The following CCDC85C variants were observed in gnomAD, a reference collection of about 807,000 sequenced individuals.
CCDC85C encodes coiled-coil domain containing 85C.
A neutral mutation model predicts 38.3 loss-of-function variants in CCDC85C; 18 were observed. The observed-to-expected ratio is 0.47, with a 90% CI of 0.33 to 0.70. The LOEUF (loss-of-function observed/expected upper bound fraction) is 0.70. Among genes scored for constraint, CCDC85C ranks in the 30% least tolerant of loss-of-function variants. The pLI is 0.03. For missense variants in CCDC85C, 566 were observed against 621.2 expected (o/e 0.91, Z 0.94); for synonymous variants, 264 against 293.8 (o/e 0.90, Z 1.04).
At chr14:99,530,977 G>A (rs1439895338) in intron 2 of CCDC85C, among the ~76,000 whole-genome samples, 3 of 152,212 alleles carry the variant, frequency 2.0e-5, no homozygotes, top group Admixed American at 2.0e-4. Context: ...AAGTCCCCCA[G>A]TCTGTGCAAC....
In CCDC85C at chr14:99,603,917, G is replaced by A; in HGVS notation, c.43C>T (p.Leu15=). Residue 15 remains leucine, a synonymous_variant, in exon 1 of 6, where the codon CTG becomes TTG. Coordinates refer to ENST00000380243, the MANE Select transcript of CCDC85C (RefSeq NM_001144995.2). The surrounding 1 kb of genome is among the most constrained non-coding windows in gnomAD (Gnocchi z 7.5). ...AGCTCCTCGTCCGGCACCTGGCTCAGCTCCTCCGACGCCGCCGCCGCCGTC... is the reference window on the plus strand; with the variant it reads ...AGCTCCTCGTCCGGCACCTGGCTCAACTCCTCCGACGCCGCCGCCGCCGTC... ...AATAAAASEE[L]SQVPDEELLR... 1 of 1,450,388 alleles carries A rather than the reference G, an allele frequency of 6.9e-7. No homozygotes were observed. The highest frequency in any genetic ancestry group is 2.5e-5 in the Admixed American group (1 of 39,586). The allele number at this position is 1,450,388 out of a possible 1,614,324, so 89.8% of individuals were successfully genotyped here.
rs1308207567 is a variant in CCDC85C at position 99,514,561 on chromosome 14, T to C, written c.*685A>G. Reference sequence around the variant, plus strand: ...GCCTGGACAGGGTGGCAGGGGGACATTGCAGAGACTGGGGGGGAGGGGGAT... The same window carrying C: ...GCCTGGACAGGGTGGCAGGGGGACACTGCAGAGACTGGGGGGGAGGGGGAT... On this transcript the variant is annotated 3_prime_UTR_variant, in exon 6 of 6. Coordinates refer to ENST00000380243, the MANE Select transcript of CCDC85C (RefSeq NM_001144995.2). The C allele has an allele frequency of 2.0e-5, 3 of 152,156 alleles. No individual in the cohort carries two copies. Among genetic ancestry groups the C allele is most frequent in the Non-Finnish European group, 4.4e-5 (3 of 68,224 alleles). The allele number at this position is 152,156 out of a possible 1,614,324, so 9.4% of individuals were successfully genotyped here.
intron 2 of CCDC85C, chr14:99,534,918 G>T (rs766878761): frequency 8.8e-6 from 5 of 566,120 alleles, no homozygotes; most frequent in Admixed American, 6.2e-5. Flanking sequence ...GGTGGGGAGT[G>T]GGGGGCGGGG....
chr14:99,551,214 C>T lies in CCDC85C; in HGVS notation c.794-15126G>A, dbSNP rs561445728. Reference sequence around the variant, plus strand: ...GGTGGGGTGAGGGTCACAGCGTACACGGAGCACTGGGGCTGGACAGACACT... The same window carrying T: ...GGTGGGGTGAGGGTCACAGCGTACATGGAGCACTGGGGCTGGACAGACACT... On this transcript the variant is annotated intron_variant, in intron 1 of 5. Transcript: ENST00000380243. Among the ~76,000 whole-genome samples the T allele has an allele frequency of 3.9e-5, 6 of 152,268 alleles. No homozygotes were observed. The East Asian group carries it at 9.6e-4, about 24-fold the overall frequency.
intron 1 of CCDC85C, among the ~76,000 whole-genome samples, chr14:99,561,511 C>G (rs981277523): frequency 6.6e-6 from 1 of 152,216 alleles, no homozygotes; most frequent in Non-Finnish European, 1.5e-5. Flanking sequence ...CAGTCCCTCC[C>G]CCACTGGAAA....
intron 3 of CCDC85C, 70 bp from the exon 4 acceptor site, chr14:99,517,253 A>T: frequency 1.6e-6 from 2 of 1,249,378 alleles, no homozygotes; most frequent in Non-Finnish European, 2.2e-6. Flanking sequence ...TGGCTCAGAC[A>T]AGGCCCCCAT....
chr14:99,581,138 G>A (rs927399230), intron 1 of CCDC85C, among the ~76,000 whole-genome samples: 2 of 152,164 alleles, frequency 1.3e-5, no homozygotes, highest in Non-Finnish European at 2.9e-5. Flanking sequence ...GAGTGGGAGG[G>A]TGAAACCCCA....
intron 1 of CCDC85C, among the ~76,000 whole-genome samples, chr14:99,549,501 CTT>C (rs1897868133): frequency 1.3e-5 from 2 of 152,372 alleles, no homozygotes; most frequent in South Asian, 4.1e-4. Flanking sequence ...CAGGCCCCCT[CTT>C]TGCCCCAACC....
intron 1 of CCDC85C, among the ~76,000 whole-genome samples, chr14:99,566,465 GCCTCCCACCTCTCCTCCCCTCCCCTC>G (rs1566775985): frequency 6.6e-6 from 1 of 152,088 alleles, no homozygotes; most frequent in Non-Finnish European, 1.5e-5. Flanking sequence ...TACACCCCTG[GCCTCCCACCTCTCCTCCCCTCCCCTC>G]CATCCGGAGA....
At chr14:99,537,322 G>C (rs1413284035) in intron 1 of CCDC85C, among the ~76,000 whole-genome samples, 1 of 152,144 alleles carries the variant, frequency 6.6e-6, no homozygotes, top group Non-Finnish European at 1.5e-5. Flanking sequence ...CCTCAGGGCT[G>C]GGGATGGACT....
At chr14:99,587,311 G>A (rs907153709) in intron 1 of CCDC85C, among the ~76,000 whole-genome samples, 7 of 152,236 alleles carry the variant, frequency 4.6e-5, no homozygotes, top group Non-Finnish European at 7.3e-5. Context: ...TCCTTGCAGG[G>A]CAATTAACTG....
rs1897052696 is a variant in CCDC85C at position 99,509,237 on chromosome 14, G to T, written c.*6009C>A. 6.6e-6 allele frequency: 1 copy of T among 152,270 alleles called. No homozygotes were observed. The highest frequency in any genetic ancestry group is 2.1e-4 in the South Asian group (1 of 4,828). The allele number at this position is 152,270 out of a possible 1,614,324, so 9.4% of individuals were successfully genotyped here. A position where few individuals can be genotyped will look rare whatever the true frequency, so the allele number is the denominator to read the frequency against. On this transcript the variant is annotated 3_prime_UTR_variant, in exon 6 of 6. Coordinates refer to ENST00000380243, the MANE Select transcript of CCDC85C (RefSeq NM_001144995.2). The stretch of plus-strand genomic sequence containing the variant: ...TGGAACCAGAAATGTTGCTCCTGTG[G>T]TCTGTCTCCTGGGCTGCCTTGGGAA...
In CCDC85C at chr14:99,503,090, G is replaced by T. The variant is rs145203611; in HGVS notation, c.*12156C>A. ...CGAGCACAGGGAACACCGGAAGCAG[G>T]GGGTGTTCGCCGAAACTCGCAGTCC... On this transcript the variant is annotated 3_prime_UTR_variant, in exon 6 of 6. Transcript: ENST00000380243. The T allele has an allele frequency of 7.8e-5, 103 of 1,315,648 alleles. No homozygotes were observed. In the East Asian group the frequency reaches 2.3e-3, roughly 30 times the overall value. The allele number at this position is 1,315,648 out of a possible 1,614,324, so 81.5% of individuals were successfully genotyped here.
intron 1 of CCDC85C, among the ~76,000 whole-genome samples, chr14:99,577,052 A>T (rs965183737): frequency 1.3e-5 from 2 of 151,950 alleles, no homozygotes; most frequent in African/African-American, 4.8e-5. Context: ...GGGGAGTCAC[A>T]GCAGACATTG....
In CCDC85C at chr14:99,604,081, C is replaced by A; in HGVS notation, c.-122G>T. 1.0e-6 allele frequency: 1 copy of A among 952,466 alleles called. No individual in the cohort carries two copies. The highest frequency in any genetic ancestry group is 1.2e-6 in the Non-Finnish European group (1 of 803,492). 59.0% of individuals were successfully genotyped at this position (952,466 alleles called of 1,614,324 possible). A position where few individuals can be genotyped will look rare whatever the true frequency, so the allele number is the denominator to read the frequency against. ...CGGCCGGGGGCGCGTGCGGCCCGCC[C>A]CGCGCCGCCTGGCGCGTCCTCTCGC... On this transcript the variant is annotated 5_prime_UTR_variant, in exon 1 of 6. Transcript: ENST00000380243.
chr14:99,589,200 C>T (rs1305110810), intron 1 of CCDC85C, among the ~76,000 whole-genome samples: 1 of 151,170 alleles, frequency 6.6e-6, no homozygotes, highest in Non-Finnish European at 1.5e-5. Context: ...GAGCACACAG[C>T]CACGGCCGGG....
chr14:99,501,421 T>C lies in CCDC85C; in HGVS notation c.*13825A>G, dbSNP rs771876941. 5 of 1,560,462 alleles carry C rather than the reference T, an allele frequency of 3.2e-6. No individual in the cohort carries two copies. The highest frequency in any genetic ancestry group is 3.5e-6 in the Non-Finnish European group (4 of 1,133,564). ...GACATTTGTAAATGACAGGTATACA[T>C]GTTCAAATGTTGATTAATTACAGTA... On this transcript the variant is annotated 3_prime_UTR_variant, in exon 6 of 6. Transcript: ENST00000380243.
intron 1 of CCDC85C, among the ~76,000 whole-genome samples, chr14:99,570,031 G>A (rs908856982): frequency 1.9e-4 from 29 of 152,156 alleles, no homozygotes; most frequent in Admixed American, 1.6e-3. Context: ...GGCAGGACAC[G>A]GACCTGTGGG....
intron 1 of CCDC85C, among the ~76,000 whole-genome samples, chr14:99,560,841 T>C (rs1208330522): frequency 6.6e-6 from 1 of 152,198 alleles, no homozygotes; most frequent in African/African-American, 2.4e-5. Context: ...CCAGGGCCCA[T>C]GGGAGCCAAG....
Sources: gnomAD v4.1 joint callset for allele counts (sites outside exome capture counted in the v4.1 genomes callset) on GRCh38, gnomAD v4.1.1 for gene constraint, Gnocchi (gnomAD v3.1) non-coding constraint, MANE v1.5 for transcripts, NCBI Gene and HGNC (gene_info 2026-07-23, HGNC 2026-07-21) for gene names.